Variants in RIPOR3 observed in about 807,000 individuals in gnomAD.
RIPOR3 encodes RIPOR family member 3.
A neutral mutation model predicts 114.3 loss-of-function variants in RIPOR3; 95 were observed. The observed-to-expected ratio is 0.83, with a 90% CI of 0.70 to 0.99. The LOEUF (loss-of-function observed/expected upper bound fraction) is 0.99, where lower values mean the gene tolerates loss of function less well. Ranked by LOEUF, RIPOR3 falls within the 50% of genes least tolerant of loss-of-function variation. The pLI, the probability that RIPOR3 is intolerant of heterozygous loss-of-function variation, is 0.00. For missense variants in RIPOR3, 1,252 were observed against 1,266.9 expected, an observed-to-expected ratio of 0.99 and a Z score of 0.18; for synonymous variants, 575 against 543.8, an observed-to-expected ratio of 1.06 and a Z score of -0.80.
At chr20:50,604,094 A>G (rs1208846635) in intron 12 of RIPOR3, among the ~76,000 whole-genome samples, 1 of 152,020 alleles carries the variant, frequency 6.6e-6, no homozygotes, top group Non-Finnish European at 1.5e-5. Flanking sequence ...AGGCAGGAGA[A>G]TCGCTTGAAC....
At chr20:50,607,992 G>A (rs1233082026) in intron 11 of RIPOR3, among the ~76,000 whole-genome samples, 1 of 152,164 alleles carries the variant, frequency 6.6e-6, no homozygotes, top group Non-Finnish European at 1.5e-5. Context: ...AGAGGGGGAC[G>A]CAGGTGACCG....
intron 1 of RIPOR3, among the ~76,000 whole-genome samples, chr20:50,689,356 A>T (rs370957912): frequency 1.3e-5 from 2 of 151,958 alleles, no homozygotes; most frequent in South Asian, 2.1e-4. Context: ...TTGTATTTTT[A>T]ATAGAGATGA....
rs747793812 is a variant in RIPOR3, at chr20:50,608,398, A to G, written c.947T>C (p.Val316Ala). ...ELGTIKLQLE[V>A]QWNPFDTESF... is the part of the protein sequence containing the mutation. ...GCTGGACGGGACTCACTTCCACTGC[A>G]CCTCCAGCTGCAGCTTGATGGTACC... Residue 316 changes from valine (V) to alanine (A), a missense_variant, in exon 11 of 22, where the codon GTG (valine) becomes GCG (alanine). Transcript: ENST00000327979. 1 of 1,613,750 alleles carries G rather than the reference A, an allele frequency of 6.2e-7. No homozygotes were observed. The highest frequency in any genetic ancestry group is 8.5e-7 in the Non-Finnish European group (1 of 1,179,872).
chr20:50,623,280 GA>G (rs1287335299), intron 2 of RIPOR3, among the ~76,000 whole-genome samples: 22 of 144,594 alleles, frequency 1.5e-4, no homozygotes, highest in African/African-American at 5.5e-4. Flanking sequence ...AAAAAAAAAA[GA>G]AAAAAAAGAA....
intron 1 of RIPOR3, among the ~76,000 whole-genome samples, chr20:50,687,887 A>AGT: frequency 6.6e-6 from 1 of 150,782 alleles, no homozygotes; most frequent in South Asian, 2.1e-4. Context: ...TAGGCAACAG[A>AGT]GTGTGACTCC....
chr20:50,595,345 C>T (rs1197870057), intron 16 of RIPOR3, 24 bp downstream of exon 16: 2 of 1,608,334 alleles, frequency 1.2e-6, no homozygotes, highest in African/African-American at 1.3e-5. Flanking sequence ...ATAGGCAGCC[C>T]CTGGGTGGCA....
chr20:50,591,689 A>G (rs745522569), intron 19 of RIPOR3, among the ~76,000 whole-genome samples: 4 of 152,208 alleles, frequency 2.6e-5, no homozygotes, highest in Non-Finnish European at 5.9e-5. Flanking sequence ...GTTACAGGCA[A>G]AGAGTGAAAA....
chr20:50,679,534 G>C (rs1239319407), intron 1 of RIPOR3, among the ~76,000 whole-genome samples: 2 of 146,888 alleles, frequency 1.4e-5, no homozygotes, highest in Non-Finnish European at 3.0e-5. Context: ...GAGGTGGGCA[G>C]ATCACAAGGT....
chr20:50,595,433 G>A lies in RIPOR3; in HGVS notation c.1986C>T (p.His662=), dbSNP rs144616362. The A allele has an allele frequency of 5.4e-4, 875 of 1,614,142 alleles. 3 individuals are homozygous for A. The African/African-American group carries it at 9.1e-3, about 17-fold the overall frequency. ...CAAGGACAGAAAGTGTCTCCAGAAC[G>A]TGCTTTTGCTGTGCCACTTCTTCCA... is the stretch of plus-strand genomic sequence containing the variant. ...CLLEEVAQQK[H]VLETLSVLDF... The change falls in exon 16 of 22, where the codon CAC becomes CAT. Residue 662 remains histidine (H), a synonymous_variant. Coordinates refer to ENST00000327979, the MANE Select transcript of RIPOR3 (RefSeq NM_001290268.2).
intron 1 of RIPOR3, among the ~76,000 whole-genome samples, chr20:50,652,053 C>G (rs942838573): frequency 2.6e-5 from 4 of 152,258 alleles, no homozygotes; most frequent in Admixed American, 6.5e-5. Context: ...TCAAGACTTC[C>G]TTTGCACTGG....
Position 50,620,607 on chromosome 20 carries a change from A to G in RIPOR3, c.123-475T>C, listed in dbSNP as rs183495687. ...GCATCACTGCACTCCAACCTGGGTG[A>G]CAGAGTGAGACTCAGTCTTAAAAAT... On this transcript the variant is annotated intron_variant, in intron 2 of 21. Transcript: ENST00000327979. Among the ~76,000 whole-genome samples, 1,051 of 151,926 alleles carry G rather than the reference A, an allele frequency of 6.9e-3. 12 individuals carry two copies. Among genetic ancestry groups the G allele is most frequent in the Middle Eastern group, 0.027 (8 of 294 alleles).
chr20:50,591,017 TACATTAA>T (rs2083088857), intron 19 of RIPOR3, among the ~76,000 whole-genome samples: 1 of 152,052 alleles, frequency 6.6e-6, no homozygotes, highest in South Asian at 2.1e-4. Flanking sequence ...GACAGAGAAA[TACATTAA>T]ACTACCGTTA....
intron 4 of RIPOR3, among the ~76,000 whole-genome samples, chr20:50,611,478 T>C (rs1316218310): frequency 6.6e-6 from 1 of 152,206 alleles, no homozygotes. Context: ...CATTCAGCCT[T>C]TCTGGGCCTC....
chr20:50,691,201 A>G lies in RIPOR3; in HGVS notation c.-73T>C. 2 of 1,289,256 alleles carry G rather than the reference A, an allele frequency of 1.6e-6. No homozygotes were observed. Among genetic ancestry groups the G allele is most frequent in the South Asian group, 2.5e-5 (2 of 81,018 alleles). 79.9% of individuals were successfully genotyped at this position (1,289,256 alleles called of 1,614,324 possible). ...CTGCCTCACTTTCCCTATTGCCGCCAGCAAGCGTCTGCTCCCATCTGGCCC... is the reference window on the plus strand; with the variant it reads ...CTGCCTCACTTTCCCTATTGCCGCCGGCAAGCGTCTGCTCCCATCTGGCCC... On this transcript the variant is annotated 5_prime_UTR_variant, in exon 1 of 22. Transcript: ENST00000327979.
At chr20:50,600,871 A>T (rs2083469571) in intron 13 of RIPOR3, among the ~76,000 whole-genome samples, 1 of 152,262 alleles carries the variant, frequency 6.6e-6, no homozygotes, top group Non-Finnish European at 1.5e-5. Flanking sequence ...TAAACGGAAC[A>T]TATTTTAAAG....
intron 1 of RIPOR3, among the ~76,000 whole-genome samples, chr20:50,679,125 A>ATATATAT (rs1600762089): frequency 2.5e-5 from 2 of 78,974 alleles, no homozygotes; most frequent in Admixed American, 1.5e-4. Flanking sequence ...AAAAAAAAAA[A>ATATATAT]AAAAAAAAAA....
intron 11 of RIPOR3, among the ~76,000 whole-genome samples, chr20:50,605,784 A>G (rs1286733328): frequency 6.6e-6 from 1 of 151,014 alleles, no homozygotes; most frequent in Non-Finnish European, 1.5e-5. Flanking sequence ...ATCTCAAAAA[A>G]AAAGAAAAAA....
chr20:50,593,338 C>T (rs891290761), intron 17 of RIPOR3, 142 bp from the exon 18 acceptor site: 25 of 838,278 alleles, frequency 3.0e-5, no homozygotes, highest in Non-Finnish European at 4.1e-5. Context: ...TTTGGGAGGC[C>T]AAGGTGGGCA....
rs116509675 is a variant in RIPOR3, at chr20:50,620,932, G to A, written c.123-800C>T. On this transcript the variant is annotated intron_variant, in intron 2 of 21. Coordinates refer to ENST00000327979, the MANE Select transcript of RIPOR3 (RefSeq NM_001290268.2). ...TTGCCCTGTACAAGCAGCATGCTAT[G>A]GAGTTACTGAAGGTCTCCAAGGACA... 2,591 of 542,794 alleles carry A rather than the reference G, an allele frequency of 4.8e-3. 52 individuals carry two copies. The highest frequency in any genetic ancestry group is 0.044 in the African/African-American group (2,261 of 51,730). 33.6% of individuals were successfully genotyped at this position (542,794 alleles called of 1,614,324 possible).
Sources: allele counts gnomAD v4.1 joint callset (sites outside exome capture counted in the v4.1 genomes callset), GRCh38; gene constraint gnomAD v4.1.1; transcripts MANE v1.5; gene names NCBI Gene and HGNC (gene_info 2026-07-23, HGNC 2026-07-21).